The following EPB41L5 variants were observed in gnomAD, a reference collection of about 807,000 sequenced individuals.
EPB41L5 encodes the protein band 4.1-like protein 5.
In EPB41L5, 55 loss-of-function variants were observed where a neutral mutation model predicts 106.6. The ratio of observed to expected loss-of-function variants is 0.52; its 90% CI spans 0.42 to 0.65. EPB41L5 has a LOEUF of 0.65. Among genes scored for constraint, EPB41L5 ranks in the 30% least tolerant of loss-of-function variants. EPB41L5 has a pLI of 0.00. For synonymous variants in EPB41L5, 297 were observed against 306.7 expected (o/e 0.97, Z 0.33); for missense variants, 871 against 882.1 (o/e 0.99, Z 0.16).
At chr2:120,104,366 T>G in intron 16 of EPB41L5, 4 of 1,404,894 alleles carry the variant, frequency 2.8e-6, no homozygotes, top group South Asian at 3.4e-5. Flanking sequence ...CACTAGTTGT[T>G]CAGTGCTGTT....
chr2:120,078,640 AAAGTT>A, intron 10 of EPB41L5, 59 bp downstream of exon 10: 1 of 1,129,314 alleles, frequency 8.9e-7, no homozygotes, highest in Non-Finnish European at 1.3e-6. Flanking sequence ...ATGAGTAAAT[AAAGTT>A]AATACATAAA....
At chr2:120,100,102 C>T in intron 14 of EPB41L5, 142 bp from the exon 15 acceptor site, 1 of 614,470 alleles carries the variant, frequency 1.6e-6, no homozygotes, top group South Asian at 2.7e-5. Context: ...GTTTTAGGTA[C>T]TAGCAGTAGT....
At chr2:120,078,388 A>G in intron 9 of EPB41L5, 105 bp from the exon 10 acceptor site, 1 of 569,812 alleles carries the variant, frequency 1.8e-6, no homozygotes, top group Non-Finnish European at 3.0e-6. Context: ...ATTAGCCTGT[A>G]TATAATTAAT....
intron 16 of EPB41L5, chr2:120,106,643 TA>T (rs1684468699): frequency 1.0e-6 from 1 of 984,102 alleles, no homozygotes. Flanking sequence ...TAATTTTATT[TA>T]ACTTAATTAA....
At chr2:120,031,731 A>G (rs1457163379) in intron 2 of EPB41L5, among the ~76,000 whole-genome samples, 1 of 152,190 alleles carries the variant, frequency 6.6e-6, no homozygotes, top group Admixed American at 6.5e-5. Context: ...CTGGCTTTAC[A>G]CTAATTAGAA....
intron 16 of EPB41L5, chr2:120,106,429 G>A (rs1684455937): frequency 2.0e-6 from 2 of 985,198 alleles, no homozygotes; most frequent in Non-Finnish European, 2.4e-6. Context: ...GTATTTATAA[G>A]TAGCTCAACC....
intron 14 of EPB41L5, among the ~76,000 whole-genome samples, chr2:120,095,664 T>A (rs1683704999): frequency 1.3e-5 from 2 of 152,006 alleles, no homozygotes; most frequent in African/African-American, 4.8e-5. Flanking sequence ...TAATTAAATT[T>A]AATTAATTAA....
intron 3 of EPB41L5, among the ~76,000 whole-genome samples, chr2:120,054,911 G>C (rs1680540859): frequency 1.4e-5 from 2 of 146,354 alleles, no homozygotes; most frequent in African/African-American, 5.1e-5. Flanking sequence ...TTGTTGCCCA[G>C]GCTGGAGTGC....
intron 4 of EPB41L5, 34 bp downstream of exon 4, chr2:120,073,254 AG>A (rs776798848): frequency 6.6e-7 from 1 of 1,516,950 alleles, no homozygotes; most frequent in African/African-American, 1.4e-5. Context: ...TGGGGGGGAA[AG>A]GAAATAGAAT....
chr2:120,163,051 A>G (rs1687202047), intron 21 of EPB41L5, among the ~76,000 whole-genome samples: 1 of 152,136 alleles, frequency 6.6e-6, no homozygotes, highest in Admixed American at 6.5e-5. Flanking sequence ...CAGGAGTTTG[A>G]GATGAGACTG....
intron 3 of EPB41L5, among the ~76,000 whole-genome samples, chr2:120,047,672 G>A (rs1263563695): frequency 6.6e-6 from 1 of 152,106 alleles, no homozygotes; most frequent in African/African-American, 2.4e-5. Context: ...CTGCCTGATT[G>A]CCCTGGCCAG....
intron 24 of EPB41L5, among the ~76,000 whole-genome samples, chr2:120,172,379 G>A (rs974442758): frequency 6.6e-6 from 1 of 152,184 alleles, no homozygotes; most frequent in Non-Finnish European, 1.5e-5. Flanking sequence ...AAGAGAGGAT[G>A]TAAGTCTCCA....
chr2:120,162,845 G>C (rs1687193822), intron 21 of EPB41L5, among the ~76,000 whole-genome samples: 1 of 152,212 alleles, frequency 6.6e-6, no homozygotes, highest in African/African-American at 2.4e-5. Context: ...AGCAGGGTGG[G>C]AAGATGCGAG....
chr2:120,013,845 T>C (rs1039235238), intron 1 of EPB41L5, among the ~76,000 whole-genome samples: 44 of 152,198 alleles, frequency 2.9e-4, no homozygotes, highest in Admixed American at 2.6e-4. Context: ...TTTGGCAATA[T>C]TTTAGACTAA....
At chr2:120,098,006 T>G (rs1374511766) in intron 14 of EPB41L5, among the ~76,000 whole-genome samples, 1 of 152,118 alleles carries the variant, frequency 6.6e-6, no homozygotes, top group Non-Finnish European at 1.5e-5. Context: ...AGGTCTAACT[T>G]CTGTACCAAG....
At chr2:120,171,666 AAG>A (rs1687680083) in intron 24 of EPB41L5, among the ~76,000 whole-genome samples, 1 of 152,226 alleles carries the variant, frequency 6.6e-6, no homozygotes, top group Non-Finnish European at 1.5e-5. Flanking sequence ...CAAAGAGAAA[AAG>A]GCCTGCACAT....
At chr2:120,080,956 T>C (rs1031770595) in intron 10 of EPB41L5, among the ~76,000 whole-genome samples, 1 of 152,152 alleles carries the variant, frequency 6.6e-6, no homozygotes, top group African/African-American at 2.4e-5. Flanking sequence ...GTGGGGTTGT[T>C]TGTTTTTTTT....
chr2:120,133,400 C>A (rs756286629), intron 18 of EPB41L5, among the ~76,000 whole-genome samples: 13 of 152,100 alleles, frequency 8.5e-5, no homozygotes, highest in Non-Finnish European at 1.2e-4. Context: ...CACCCCTCCC[C>A]TATGGAGGAG....
intron 1 of EPB41L5, among the ~76,000 whole-genome samples, chr2:120,015,510 G>A (rs867569608): frequency 6.6e-6 from 1 of 152,032 alleles, no homozygotes; most frequent in South Asian, 2.1e-4. Context: ...AACAGTTTAC[G>A]TGTGTGTCTG....
Sources: allele counts gnomAD v4.1 joint callset (sites outside exome capture counted in the v4.1 genomes callset), GRCh38; gene constraint gnomAD v4.1.1; transcripts MANE v1.5; gene names NCBI Gene and HGNC (gene_info 2026-07-23, HGNC 2026-07-21).